Variants in RUNDC3B observed in about 807,000 individuals in gnomAD.
The protein encoded by RUNDC3B is RUN domain containing 3B, also known as RUN domain-containing protein 3B.
In RUNDC3B, 33 loss-of-function variants were observed where a neutral mutation model predicts 58.4. The ratio of observed to expected loss-of-function variants is 0.56; its 90% confidence interval spans 0.43 to 0.75. RUNDC3B has a LOEUF of 0.75. Ranked by LOEUF, RUNDC3B falls within the 30% of genes least tolerant of loss-of-function variation. The probability of loss-of-function intolerance (pLI) is 0.00; values close to 1 mark genes in which losing one functional copy is unlikely to be tolerated. For missense variants in RUNDC3B, 501 were observed against 535.7 expected (o/e 0.94, Z 0.64); for synonymous variants, 193 against 195.2 (o/e 0.99, Z 0.10).
intron 4 of RUNDC3B, among the ~76,000 whole-genome samples, chr7:87,724,074 C>G (rs1831068228): frequency 6.6e-6 from 1 of 152,032 alleles, no homozygotes; most frequent in African/African-American, 2.4e-5. Flanking sequence ...AATTTAAAAA[C>G]CACGTGGGTG....
intron 4 of RUNDC3B, among the ~76,000 whole-genome samples, chr7:87,738,796 ATACT>A (rs1272223911): frequency 6.6e-6 from 1 of 152,060 alleles, no homozygotes. Flanking sequence ...GTTTGTAAAA[ATACT>A]TAGTAAGCTG....
intron 2 of RUNDC3B, among the ~76,000 whole-genome samples, chr7:87,697,853 G>C (rs1305078318): frequency 6.6e-6 from 1 of 152,110 alleles, no homozygotes; most frequent in Non-Finnish European, 1.5e-5. Context: ...GCTAGAAAGT[G>C]ATCTAGTTCA....
At chr7:87,721,590 C>G (rs1028157283) in intron 4 of RUNDC3B, among the ~76,000 whole-genome samples, 3 of 152,118 alleles carry the variant, frequency 2.0e-5, no homozygotes, top group African/African-American at 7.2e-5. Context: ...TATATACCTT[C>G]AAGCTCAAAA....
chr7:87,715,144 C>T (rs1830442768), intron 4 of RUNDC3B, among the ~76,000 whole-genome samples: 1 of 145,902 alleles, frequency 6.9e-6, no homozygotes, highest in Non-Finnish European at 1.5e-5. Flanking sequence ...CCAGTGAAGC[C>T]ACAGGTAGTG....
intron 1 of RUNDC3B, among the ~76,000 whole-genome samples, chr7:87,645,466 C>G (rs1408605277): frequency 6.6e-6 from 1 of 152,074 alleles, no homozygotes; most frequent in Non-Finnish European, 1.5e-5. Context: ...AGAGACATTT[C>G]AAAAACTGCA....
At chr7:87,736,899 T>A (rs1832015568) in intron 4 of RUNDC3B, among the ~76,000 whole-genome samples, 3 of 109,410 alleles carry the variant, frequency 2.7e-5, no homozygotes, top group East Asian at 2.6e-4. Flanking sequence ...ATTTTTTTTT[T>A]TTTTTTTTTT....
intron 4 of RUNDC3B, among the ~76,000 whole-genome samples, chr7:87,720,043 A>G (rs529109089): frequency 3.5e-3 from 536 of 151,510 alleles, no homozygotes; most frequent in Non-Finnish European, 5.4e-3. Flanking sequence ...AACACCATAT[A>G]GAAACATCAA....
At chr7:87,673,682 G>A (rs1025356276) in intron 2 of RUNDC3B, among the ~76,000 whole-genome samples, 4 of 152,090 alleles carry the variant, frequency 2.6e-5, no homozygotes, top group Admixed American at 6.6e-5. Flanking sequence ...ATCTTCATTC[G>A]TATCCATGTT....
At chr7:87,728,849 G>A (rs1048103206) in intron 4 of RUNDC3B, among the ~76,000 whole-genome samples, 13 of 152,080 alleles carry the variant, frequency 8.5e-5, no homozygotes, top group African/African-American at 2.2e-4. Flanking sequence ...TCACCCCCTC[G>A]TGAGATTTTC....
chr7:87,699,289 C>T (rs531274108), intron 2 of RUNDC3B, among the ~76,000 whole-genome samples: 19 of 152,040 alleles, frequency 1.2e-4, no homozygotes, highest in African/African-American at 4.3e-4. Context: ...AACAACTTTC[C>T]TAGGGAAGAC....
chr7:87,726,285 G>C (rs906380331), intron 4 of RUNDC3B, among the ~76,000 whole-genome samples: 1 of 152,126 alleles, frequency 6.6e-6, no homozygotes, highest in Admixed American at 6.5e-5. Flanking sequence ...GTAAGGAAGG[G>C]ATCCAGTTTC....
chr7:87,824,969 A>G (rs1179625631), intron 10 of RUNDC3B, among the ~76,000 whole-genome samples: 3 of 152,198 alleles, frequency 2.0e-5, no homozygotes, highest in Non-Finnish European at 4.4e-5. Context: ...TAAGGGAAGG[A>G]GAGCATAAAA....
intron 8 of RUNDC3B, among the ~76,000 whole-genome samples, chr7:87,790,707 C>T (rs967714732): frequency 6.6e-6 from 1 of 151,756 alleles, no homozygotes; most frequent in Admixed American, 6.6e-5. Flanking sequence ...CTGAAGAATG[C>T]ATCAGAGTCC....
At chr7:87,728,561 C>A (rs1206080235) in intron 4 of RUNDC3B, among the ~76,000 whole-genome samples, 1 of 152,146 alleles carries the variant, frequency 6.6e-6, no homozygotes, top group Non-Finnish European at 1.5e-5. Flanking sequence ...GGCTCATGGC[C>A]CTGCAACAAT....
chr7:87,829,817 T>C (rs1026549085), intron 10 of RUNDC3B, 68 bp from the exon 11 acceptor site: 9 of 1,176,456 alleles, frequency 7.7e-6, no homozygotes, highest in South Asian at 7.5e-5. Context: ...TTTCTAATGG[T>C]TTTAGGATCT....
chr7:87,748,681 T>A (rs1832791484), intron 6 of RUNDC3B, among the ~76,000 whole-genome samples: 1 of 152,184 alleles, frequency 6.6e-6, no homozygotes, highest in South Asian at 2.1e-4. Context: ...CAGGGATACT[T>A]AGATGTCAAG....
intron 6 of RUNDC3B, among the ~76,000 whole-genome samples, chr7:87,751,416 G>T (rs375159883): frequency 6.6e-6 from 1 of 152,184 alleles, no homozygotes. Flanking sequence ...ATTCTGTGAA[G>T]AAAGTCATTG....
rs911016189 is a variant in RUNDC3B, at chr7:87,632,706, C to T, written c.122+3761C>T. ...GATAATCAGATATTAGTCATTTTTT[C>T]TGTCCTTTATAAGCTTCATTGTTTA... is the stretch of plus-strand genomic sequence containing the variant. On this transcript the variant is annotated intron_variant, in intron 1 of 10. Transcript: ENST00000394654. Among the ~76,000 whole-genome samples the T allele has an allele frequency of 2.0e-5, 3 of 151,978 alleles. No individual in the cohort carries two copies. In the East Asian group the frequency reaches 5.8e-4, roughly 29 times the overall value.
intron 10 of RUNDC3B, among the ~76,000 whole-genome samples, chr7:87,824,278 T>C (rs1563235599): frequency 6.6e-6 from 1 of 152,074 alleles, no homozygotes; most frequent in Non-Finnish European, 1.5e-5. Context: ...GTGATTGCAT[T>C]ATTGGGGCAA....
Sources: allele counts gnomAD v4.1 joint callset (sites outside exome capture counted in the v4.1 genomes callset), GRCh38; gene constraint gnomAD v4.1.1; transcripts MANE v1.5; gene names NCBI Gene and HGNC (gene_info 2026-07-23, HGNC 2026-07-21).